The following SMYD3 variants were observed in gnomAD, a reference collection of about 807,000 sequenced individuals.
The protein encoded by SMYD3 is SET and MYND domain containing 3, also known as histone-lysine N-methyltransferase SMYD3.
In SMYD3, 36 loss-of-function variants were observed where a neutral mutation model predicts 57.7. That is an observed-to-expected ratio of 0.62 (90% confidence interval 0.48 to 0.82). The LOEUF is 0.82. Ranked by LOEUF, SMYD3 falls within the 40% of genes least tolerant of loss-of-function variation. The probability of loss-of-function intolerance (pLI) is 0.00; values close to 1 mark genes in which losing one functional copy is unlikely to be tolerated. For synonymous variants in SMYD3, 211 were observed against 195.0 expected (o/e 1.08, Z -0.68); for missense variants, 515 against 538.8 (o/e 0.96, Z 0.44).
intron 10 of SMYD3, among the ~76,000 whole-genome samples, chr1:245,836,751 G>T (rs1013637144): frequency 6.6e-6 from 1 of 152,138 alleles, no homozygotes; most frequent in African/African-American, 2.4e-5. Flanking sequence ...GTCCCGACTC[G>T]GTTTCAGTGA....
rs548827965 is a variant in SMYD3, at chr1:246,144,236, TCTC to T, written c.531+182962_531+182964del. ...AGGGCAAGCCTGGGTACCAATGTCT[TCTC>T]TTACTCATGGCAAACACTGACGTGG... On this transcript the variant is annotated intron_variant, in intron 5 of 11. Transcript: ENST00000490107. 2.1e-3 allele frequency among the ~76,000 whole-genome samples: 322 copies of T among 152,336 alleles called. 1 individual carries two copies. Among genetic ancestry groups the T allele is most frequent in the Admixed American group, 6.3e-3 (97 of 15,302 alleles).
intron 11 of SMYD3, among the ~76,000 whole-genome samples, chr1:245,760,180 T>C (rs2045785119): frequency 6.6e-6 from 1 of 152,208 alleles, no homozygotes. Context: ...TAACTGAATC[T>C]GTAATAAATT....
chr1:246,342,365 T>C (rs978077275), intron 2 of SMYD3, among the ~76,000 whole-genome samples: 4 of 152,166 alleles, frequency 2.6e-5, no homozygotes, highest in African/African-American at 9.7e-5. Flanking sequence ...TAAAAGATAC[T>C]CGACAGTTTT....
Position 246,327,914 on chromosome 1 carries a change from C to A in SMYD3, c.395-577G>T, listed in dbSNP as rs554733216. ...GAGTTGAATAAACAAGATAAAGGAGCCTGGCGCCGTGACTCACGCCTGTAA... is the reference window on the plus strand; with the variant it reads ...GAGTTGAATAAACAAGATAAAGGAGACTGGCGCCGTGACTCACGCCTGTAA... On this transcript the variant is annotated intron_variant, in intron 4 of 11. Transcript: ENST00000490107. 3.3e-5 allele frequency among the ~76,000 whole-genome samples: 5 copies of A among 152,288 alleles called. No homozygotes were observed. In the South Asian group the frequency reaches 6.2e-4, roughly 19 times the overall value.
intron 5 of SMYD3, among the ~76,000 whole-genome samples, chr1:246,042,509 G>C (rs145551159): frequency 1.3e-5 from 2 of 152,224 alleles, no homozygotes; most frequent in Non-Finnish European, 2.9e-5. Flanking sequence ...CTGCTCTTTG[G>C]GAACACCGTT....
intron 5 of SMYD3, among the ~76,000 whole-genome samples, chr1:246,023,309 G>A (rs982715593): frequency 6.6e-6 from 1 of 152,196 alleles, no homozygotes; most frequent in Non-Finnish European, 1.5e-5. Context: ...CATAACTGTG[G>A]TCCTTCAAAA....
intron 5 of SMYD3, among the ~76,000 whole-genome samples, chr1:245,936,833 C>T (rs2057004077): frequency 1.3e-5 from 2 of 151,172 alleles, no homozygotes; most frequent in South Asian, 4.2e-4. Context: ...CGCCACTGCA[C>T]TCCAATGACT....
At chr1:246,423,827 A>T (rs958802406) in intron 1 of SMYD3, among the ~76,000 whole-genome samples, 2 of 152,192 alleles carry the variant, frequency 1.3e-5, no homozygotes, top group Non-Finnish European at 2.9e-5. Context: ...GAACAAGTAG[A>T]ATCTTATAGA....
At chr1:246,465,355 A>G (rs1031152511) in intron 1 of SMYD3, among the ~76,000 whole-genome samples, 1 of 152,236 alleles carries the variant, frequency 6.6e-6, no homozygotes, top group Admixed American at 6.5e-5. Flanking sequence ...AATCAGTAAT[A>G]ATGCACTTGT....
chr1:246,213,144 A>G (rs537960515), intron 5 of SMYD3, among the ~76,000 whole-genome samples: 2 of 152,288 alleles, frequency 1.3e-5, no homozygotes, highest in Admixed American at 6.5e-5. Flanking sequence ...TATTCTTTCA[A>G]CCTTCCTCAA....
At chr1:246,506,987 A>T in intron 1 of SMYD3, 67 bp downstream of exon 1, 14 of 634,726 alleles carry the variant, frequency 2.2e-5, no homozygotes, top group Non-Finnish European at 3.1e-5. Flanking sequence ...CGGCCGCCCG[A>T]CGCCCCCCCC....
rs150568416 is a variant in SMYD3, at chr1:245,987,106, T to C, written c.532-57169A>G. Reference sequence around the variant, plus strand: ...CAGTCTTGGAATCAACACACTTTTATGATGAAACCAACTCATATTCATGCC... The same window carrying C: ...CAGTCTTGGAATCAACACACTTTTACGATGAAACCAACTCATATTCATGCC... On this transcript the variant is annotated intron_variant, in intron 5 of 11. Coordinates refer to ENST00000490107, the MANE Select transcript of SMYD3 (RefSeq NM_001167740.2). 4.4e-3 allele frequency among the ~76,000 whole-genome samples: 675 copies of C among 152,282 alleles called. 5 individuals are homozygous for C. The highest frequency in any genetic ancestry group is 5.4e-3 in the Non-Finnish European group (366 of 68,016).
intron 1 of SMYD3, among the ~76,000 whole-genome samples, chr1:246,443,106 A>G (rs1189308753): frequency 6.6e-6 from 1 of 152,112 alleles, no homozygotes; most frequent in Non-Finnish European, 1.5e-5. Flanking sequence ...TTACTCTCTT[A>G]TGTATTTGCA....
chr1:245,934,812 C>T (rs1320361171), intron 5 of SMYD3, among the ~76,000 whole-genome samples: 1 of 152,124 alleles, frequency 6.6e-6, no homozygotes, highest in African/African-American at 2.4e-5. Flanking sequence ...TTTCCCTTTG[C>T]CAGGAAGTTG....
intron 8 of SMYD3, among the ~76,000 whole-genome samples, chr1:245,875,611 T>C (rs376813224): frequency 6.6e-6 from 1 of 152,228 alleles, no homozygotes; most frequent in Non-Finnish European, 1.5e-5. Context: ...TTTTTGAGTA[T>C]ACAAGATGAT....
rs1366545659 is a variant in SMYD3 at position 245,942,918 on chromosome 1, G to A, written c.532-12981C>T. ...ATAATGAAATTGAGGCAGAAATGAA[G>A]AAGTTCTTTGAAACCAATGAGAACG... On this transcript the variant is annotated intron_variant, in intron 5 of 11. Coordinates refer to ENST00000490107, the MANE Select transcript of SMYD3 (RefSeq NM_001167740.2). 2.0e-5 allele frequency among the ~76,000 whole-genome samples: 3 copies of A among 152,074 alleles called. No individual in the cohort carries two copies. In the East Asian group the frequency reaches 5.8e-4, roughly 29 times the overall value.
intron 10 of SMYD3, among the ~76,000 whole-genome samples, chr1:245,797,970 G>A (rs1346421156): frequency 6.6e-6 from 1 of 152,100 alleles, no homozygotes; most frequent in African/African-American, 2.4e-5. Flanking sequence ...CTCAGTACGT[G>A]AGAATTTTGG....
At chr1:245,765,187 A>T (rs2046028434) in intron 10 of SMYD3, among the ~76,000 whole-genome samples, 1 of 150,310 alleles carries the variant, frequency 6.7e-6, no homozygotes, top group African/African-American at 2.5e-5. Flanking sequence ...GGAGTTTGAG[A>T]CCACCCTGGG....
chr1:245,981,239 A>T (rs1047479948), intron 5 of SMYD3, among the ~76,000 whole-genome samples: 19 of 152,262 alleles, frequency 1.2e-4, no homozygotes, highest in African/African-American at 4.6e-4. Context: ...AACAGCACAC[A>T]GTGCTAAGGG....
Sources: allele counts gnomAD v4.1 joint callset (sites outside exome capture counted in the v4.1 genomes callset), GRCh38; gene constraint gnomAD v4.1.1; transcripts MANE v1.5; gene names NCBI Gene and HGNC (gene_info 2026-07-23, HGNC 2026-07-21).